AFF3: variants seen among roughly 807,000 people sequenced by gnomAD.
AFF3 encodes AF4/FMR2 family member 3.
Under a neutral mutation model 129.7 loss-of-function variants are expected in AFF3, and 32 were observed. The ratio of observed to expected loss-of-function variants is 0.25; its 90% CI spans 0.19 to 0.33. The LOEUF is 0.33. Ranked by LOEUF, AFF3 falls within the 10% of genes least tolerant of loss-of-function variation. The pLI is 1.00. For missense variants in AFF3, 1,373 were observed against 1,592.0 expected (o/e 0.86, Z 2.34); for synonymous variants, 644 against 635.4 (o/e 1.01, Z -0.20).
chr2:99,828,997 T>C (rs1203694972), intron 8 of AFF3, among the ~76,000 whole-genome samples: 2 of 152,206 alleles, frequency 1.3e-5, no homozygotes, highest in Non-Finnish European at 2.9e-5. Context: ...TCTTTGAAAC[T>C]GAGGCTTCTA....
intron 13 of AFF3, among the ~76,000 whole-genome samples, chr2:99,629,202 C>G (rs1558666788): frequency 1.3e-5 from 2 of 152,172 alleles, no homozygotes; most frequent in African/African-American, 4.8e-5. Flanking sequence ...ACTTCCAGTA[C>G]TTTGTTGAAT....
intron 15 of AFF3, among the ~76,000 whole-genome samples, chr2:99,590,151 T>G (rs1047169877): frequency 6.6e-6 from 1 of 152,222 alleles, no homozygotes; most frequent in African/African-American, 2.4e-5. Flanking sequence ...TTCAAGACCC[T>G]CTTTGGAATG....
intron 11 of AFF3, among the ~76,000 whole-genome samples, chr2:99,709,380 C>G (rs1677694147): frequency 6.6e-6 from 1 of 152,110 alleles, no homozygotes; most frequent in African/African-American, 2.4e-5. Context: ...GAGTATGAGA[C>G]AAGCACTCAG....
intron 10 of AFF3, among the ~76,000 whole-genome samples, chr2:99,731,479 T>C (rs1287462410): frequency 2.0e-5 from 3 of 152,298 alleles, no homozygotes; most frequent in East Asian, 1.9e-4. Context: ...TTTCATACCA[T>C]GTAAAATGAG....
intron 7 of AFF3, among the ~76,000 whole-genome samples, chr2:99,932,740 A>T (rs999251464): frequency 6.6e-6 from 1 of 152,216 alleles, no homozygotes; most frequent in Admixed American, 6.5e-5. Context: ...ATGCTCCACA[A>T]CATCAGTTTT....
intron 8 of AFF3, among the ~76,000 whole-genome samples, chr2:99,753,050 G>T (rs1681791607): frequency 6.6e-6 from 1 of 151,988 alleles, no homozygotes; most frequent in Non-Finnish European, 1.5e-5. Flanking sequence ...GATTTCTGAT[G>T]ACCAGGACGC....
chr2:99,718,254 GA>G (rs1244774080), intron 11 of AFF3, among the ~76,000 whole-genome samples: 3 of 152,166 alleles, frequency 2.0e-5, no homozygotes, highest in Non-Finnish European at 4.4e-5. Context: ...ATCAAGATGA[GA>G]AAAATCGAGA....
chr2:99,716,995 C>T (rs1283873953), intron 11 of AFF3, among the ~76,000 whole-genome samples: 2 of 152,148 alleles, frequency 1.3e-5, no homozygotes, highest in East Asian at 1.9e-4. Context: ...GCAAATTTTA[C>T]AGTATACACT....
intron 8 of AFF3, among the ~76,000 whole-genome samples, chr2:99,827,115 G>T (rs1226258126): frequency 6.6e-6 from 1 of 152,150 alleles, no homozygotes; most frequent in Non-Finnish European, 1.5e-5. Context: ...AGGTGTCCAT[G>T]ACACATCTAA....
intron 20 of AFF3, among the ~76,000 whole-genome samples, chr2:99,564,480 T>G (rs1166859510): frequency 1.3e-5 from 2 of 152,210 alleles, no homozygotes; most frequent in East Asian, 3.9e-4. Context: ...ATTGATTTAG[T>G]AGAAATACTT....
At chr2:99,568,811 C>T in intron 19 of AFF3, 41 bp downstream of exon 19, 3 of 1,588,156 alleles carry the variant, frequency 1.9e-6, no homozygotes, top group Non-Finnish European at 2.6e-6. Flanking sequence ...GCAGTACACA[C>T]ATAATTTGGA....
intron 7 of AFF3, among the ~76,000 whole-genome samples, chr2:99,918,001 G>A (rs968784719): frequency 6.6e-6 from 1 of 151,988 alleles, no homozygotes; most frequent in African/African-American, 2.4e-5. Flanking sequence ...ATATGCTAGT[G>A]CACAATCAAT....
At chr2:99,651,128 G>A (rs1463773186) in intron 12 of AFF3, among the ~76,000 whole-genome samples, 2 of 147,802 alleles carry the variant, frequency 1.4e-5, no homozygotes, top group Admixed American at 1.4e-4. Flanking sequence ...AGCTGAGATC[G>A]CGCCATTGTA....
At chr2:99,626,439 CT>C in intron 13 of AFF3, among the ~76,000 whole-genome samples, 1 of 106,848 alleles carries the variant, frequency 9.4e-6, no homozygotes, top group Non-Finnish European at 2.1e-5. Flanking sequence ...CTCCCTCCCT[CT>C]CCTTCCCTTC....
chr2:100,130,743 C>T (rs928931111), intron 1 of AFF3, among the ~76,000 whole-genome samples: 5 of 152,092 alleles, frequency 3.3e-5, no homozygotes, highest in Admixed American at 2.6e-4. Flanking sequence ...GGGCTGCCAT[C>T]GCAGGTCCCT....
chr2:99,567,598 A>G (rs191614372), intron 19 of AFF3, among the ~76,000 whole-genome samples: 225 of 152,202 alleles, frequency 1.5e-3, no homozygotes, highest in African/African-American at 5.1e-3. Flanking sequence ...AAGGAATGGT[A>G]GGGTTTGGCT....
In AFF3 at chr2:99,995,181, C is replaced by A. The variant is rs140207520; in HGVS notation, c.873+11451G>T. Among the ~76,000 whole-genome samples the A allele has an allele frequency of 2.1e-4, 32 of 152,184 alleles. 1 individual carries two copies. In the East Asian group the frequency reaches 6.2e-3, roughly 29 times the overall value. On this transcript the variant is annotated intron_variant, in intron 7 of 24. Transcript: ENST00000672756. ...CATTTTAACTTAAGATTTCCAGTTT[C>A]ACAAGAAATTGTCTTCATAGGTGAC...
At chr2:100,050,676 A>G (rs1686239576) in intron 4 of AFF3, among the ~76,000 whole-genome samples, 1 of 152,190 alleles carries the variant, frequency 6.6e-6, no homozygotes, top group Admixed American at 6.5e-5. Flanking sequence ...AGGAAAGTAA[A>G]CGTCAGTGCA....
At chr2:99,765,732 T>C (rs149980480) in intron 8 of AFF3, among the ~76,000 whole-genome samples, 1 of 152,218 alleles carries the variant, frequency 6.6e-6, no homozygotes, top group African/African-American at 2.4e-5. Flanking sequence ...GGGATAAATA[T>C]AGAAGACGTT....
Sources: allele counts gnomAD v4.1 joint callset (sites outside exome capture counted in the v4.1 genomes callset), GRCh38; gene constraint gnomAD v4.1.1; transcripts MANE v1.5; gene names NCBI Gene and HGNC (gene_info 2026-07-23, HGNC 2026-07-21).